The following STK33 variants were observed in gnomAD, a reference collection of about 807,000 sequenced individuals.
STK33 encodes the protein serine/threonine-protein kinase 33.
Under a neutral mutation model 58.0 loss-of-function variants are expected in STK33, and 52 were observed. The ratio of observed to expected loss-of-function variants is 0.90; its 90% confidence interval spans 0.72 to 1.13. The LOEUF (loss-of-function observed/expected upper bound fraction) is 1.13. STK33 is among the 50% of genes most tolerant of loss of function. The pLI is 0.00. For missense variants in STK33, 630 were observed against 604.2 expected (o/e 1.04, Z -0.45); for synonymous variants, 215 against 200.1 (o/e 1.07, Z -0.63).
the STK33 span, among the ~76,000 whole-genome samples, chr11:8,356,941 A>G: frequency 1.9e-4 from 29 of 152,310 alleles, 2 homozygotes; most frequent in African/African-American, 6.7e-4. Context: ...GCCCTGAGCT[A>G]GAGGAAGCCG....
Position 8,392,653 on chromosome 11 carries a change from T to C in STK33, c.1402A>G (p.Ser468Gly), listed in dbSNP as rs764243193. 2 of 1,614,258 alleles carry C rather than the reference T, an allele frequency of 1.2e-6. No homozygotes were observed. The highest frequency in any genetic ancestry group is 2.2e-5 in the East Asian group (1 of 44,890). The change falls in exon 16 of 16, where the codon AGT becomes GGT. Residue 468 changes from serine (S) to glycine (G), a missense_variant. By Grantham distance (56) the Ser-to-Gly change is moderately conservative. Transcript: ENST00000687296. Reference protein sequence around the residue: ...ATSKDNFDMCSSSFTSSKLLP... With the variant: ...ATSKDNFDMCGSSFTSSKLLP... The stretch of plus-strand genomic sequence containing the variant: ...AGTTTGCTAGATGTGAAACTTGAAC[T>C]GCACATATCAAAGTTGTCCTTACTG...
chr11:8,591,199 C>T (rs1394914621), intron 1 of STK33, among the ~76,000 whole-genome samples: 1 of 152,172 alleles, frequency 6.6e-6, no homozygotes, highest in African/African-American at 2.4e-5. Context: ...CTCTTTTCTG[C>T]TCCTTGATTC....
intron 6 of STK33, among the ~76,000 whole-genome samples, chr11:8,472,113 GAGA>G (rs1264535738): frequency 3.3e-5 from 5 of 152,146 alleles, no homozygotes; most frequent in Admixed American, 2.6e-4. Flanking sequence ...AATTTTTTTA[GAGA>G]AGGAGTTTTG....
the STK33 span, among the ~76,000 whole-genome samples, chr11:8,358,265 T>A: frequency 6.7e-6 from 1 of 148,828 alleles, no homozygotes; most frequent in Non-Finnish European, 1.5e-5. Flanking sequence ...ACTGGGGGAG[T>A]CCCAGCTTGG....
chr11:8,583,555 A>G (rs74874804), intron 1 of STK33, among the ~76,000 whole-genome samples: 3 of 152,168 alleles, frequency 2.0e-5, no homozygotes, highest in Admixed American at 6.5e-5. Flanking sequence ...GGAGGGTGGT[A>G]AAAAATAGTG....
At chr11:8,450,345 G>A (rs1946121875) in intron 11 of STK33, among the ~76,000 whole-genome samples, 1 of 152,090 alleles carries the variant, frequency 6.6e-6, no homozygotes, top group African/African-American at 2.4e-5. Flanking sequence ...TTATAAGTGG[G>A]AGTTGAACAA....
intron 1 of STK33, among the ~76,000 whole-genome samples, chr11:8,491,941 G>A (rs1950648458): frequency 3.3e-5 from 5 of 152,146 alleles, no homozygotes; most frequent in Admixed American, 3.3e-4. Context: ...GCTCCTGAAG[G>A]AAGCACCAAA....
chr11:8,385,686 T>C, the STK33 span, among the ~76,000 whole-genome samples: 10 of 152,354 alleles, frequency 6.6e-5, no homozygotes, highest in East Asian at 1.7e-3. Context: ...GCCTTTCACA[T>C]TGTTTTATAT....
At chr11:8,508,047 T>C (rs185880250) in intron 1 of STK33, among the ~76,000 whole-genome samples, 1 of 152,096 alleles carries the variant, frequency 6.6e-6, no homozygotes, top group Admixed American at 6.6e-5. Flanking sequence ...CCCTCCATCA[T>C]GCCCAGCTAA....
At chr11:8,344,305 C>A in the STK33 span, among the ~76,000 whole-genome samples, 1 of 151,950 alleles carries the variant, frequency 6.6e-6, no homozygotes, top group Non-Finnish European at 1.5e-5. Context: ...TCACTTTAGC[C>A]CAGGAGTTTG....
chr11:8,419,149 C>T (rs1316157302), intron 14 of STK33, among the ~76,000 whole-genome samples: 1 of 152,136 alleles, frequency 6.6e-6, no homozygotes, highest in African/African-American at 2.4e-5. Context: ...CTCATGAAAT[C>T]TTTGCCGGTA....
At chr11:8,373,323 G>A in the STK33 span, among the ~76,000 whole-genome samples, 52 of 152,288 alleles carry the variant, frequency 3.4e-4, 1 homozygote, top group South Asian at 0.01. Flanking sequence ...CTCTTGATGA[G>A]GGGGCTACAA....
At chr11:8,593,897 C>G (rs886984109) in intron 1 of STK33, 186 bp downstream of exon 1, 1 of 152,298 alleles carries the variant, frequency 6.6e-6, no homozygotes, top group Non-Finnish European at 1.5e-5. Context: ...CCAGGAGACA[C>G]TCGGAGGGGT....
At chr11:8,402,218 A>G (rs555131807) in intron 15 of STK33, among the ~76,000 whole-genome samples, 628 of 138,160 alleles carry the variant, frequency 4.5e-3, no homozygotes, top group South Asian at 9.2e-3. Flanking sequence ...AACCAACCCA[A>G]ATGTCCAACA....
chr11:8,499,850 C>T (rs1591502812), intron 1 of STK33, among the ~76,000 whole-genome samples: 1 of 152,142 alleles, frequency 6.6e-6, no homozygotes, highest in East Asian at 1.9e-4. Context: ...TGTTCTCACT[C>T]ATAAGTGGGA....
At chr11:8,388,323 A>G (rs1848572401), downstream of STK33, among the ~76,000 whole-genome samples, 1 of 152,254 alleles carries the variant, frequency 6.6e-6, no homozygotes, top group Non-Finnish European at 1.5e-5. Flanking sequence ...CACAGAGTTG[A>G]GCTGATTATA....
chr11:8,492,481 C>A (rs927931789), intron 1 of STK33, among the ~76,000 whole-genome samples: 1 of 152,100 alleles, frequency 6.6e-6, no homozygotes, highest in African/African-American at 2.4e-5. Flanking sequence ...GACTTAGACT[C>A]CCACACAATA....
chr11:8,562,613 ATT>A (rs748020302), intron 1 of STK33, among the ~76,000 whole-genome samples: 2 of 149,770 alleles, frequency 1.3e-5, no homozygotes, highest in Non-Finnish European at 3.0e-5. Flanking sequence ...AGTTTCACAG[ATT>A]TTTTTTTTGT....
chr11:8,336,428 A>T, the STK33 span, among the ~76,000 whole-genome samples: 1 of 152,234 alleles, frequency 6.6e-6, no homozygotes, highest in Non-Finnish European at 1.5e-5. Context: ...TCACGGGGAG[A>T]TGGAAAAGCT....
Sources: allele counts gnomAD v4.1 joint callset (sites outside exome capture counted in the v4.1 genomes callset), GRCh38; gene constraint gnomAD v4.1.1; transcripts MANE v1.5; gene names NCBI Gene and HGNC (gene_info 2026-07-23, HGNC 2026-07-21).